The following NPAT variants were observed in gnomAD, a reference collection of about 807,000 sequenced individuals.
NPAT encodes protein NPAT.
Under a neutral mutation model 130.7 loss-of-function variants are expected in NPAT, and 52 were observed. That is an observed-to-expected ratio of 0.40 (90% confidence interval 0.32 to 0.50). The LOEUF is 0.50. Among genes scored for constraint, NPAT ranks in the 20% least tolerant of loss-of-function variants. The pLI, the probability that NPAT is intolerant of heterozygous loss-of-function variation, is 0.68. For missense variants in NPAT, 1,687 were observed against 1,662.6 expected (o/e 1.01, Z -0.26); for synonymous variants, 580 against 584.8 (o/e 0.99, Z 0.12).
At chr11:108,221,910 G>T (rs4987876) in intron 1 of NPAT, among the ~76,000 whole-genome samples, 12,530 of 152,164 alleles carry the variant, frequency 0.082, 558 homozygotes, top group Admixed American at 0.099. Flanking sequence ...GAAATTTTTC[G>T]CTGATCAAAG....
intron 1 of NPAT, among the ~76,000 whole-genome samples, chr11:108,211,255 C>T (rs768054400): frequency 6.6e-6 from 1 of 151,608 alleles, no homozygotes; most frequent in Non-Finnish European, 1.5e-5. Flanking sequence ...TAAAAGTCCT[C>T]AACAGGGTGG....
rs952427425 is a variant in NPAT at position 108,192,038 on chromosome 11, C to T, written c.290+80G>A. ...ACTGGATGAGTGTTATATAAGTACA[C>T]TGTGTAGGTCTTAAGAAGATTTAAA... On this transcript the variant is annotated intron_variant, in intron 4 of 17. Coordinates refer to ENST00000278612, the MANE Select transcript of NPAT (RefSeq NM_002519.3). The T allele has an allele frequency of 2.7e-5, 25 of 942,882 alleles. 1 individual carries two copies. In the East Asian group the frequency reaches 5.8e-4, roughly 22 times the overall value. 58.4% of individuals were successfully genotyped at this position (942,882 alleles called of 1,614,324 possible).
intron 12 of NPAT, 100 bp from the exon 13 acceptor site, chr11:108,173,951 T>A: frequency 1.0e-6 from 1 of 985,242 alleles, no homozygotes. Context: ...AAATAACTCA[T>A]CTTTGCATAC....
rs182973180 is a variant in NPAT, at chr11:108,214,397, C to T, written c.37+8103G>A. Among the ~76,000 whole-genome samples, 3 of 152,218 alleles carry T rather than the reference C, an allele frequency of 2.0e-5. No homozygotes were observed. The East Asian group carries it at 5.8e-4, about 29-fold the overall frequency. Reference sequence around the variant, plus strand: ...ATTTATGTGCAATGTCCAGGCAAGGCACATGTATAGATACAGAAAGTAGAT... The same window carrying T: ...ATTTATGTGCAATGTCCAGGCAAGGTACATGTATAGATACAGAAAGTAGAT... On this transcript the variant is annotated intron_variant, in intron 1 of 17. Transcript: ENST00000278612.
In NPAT at chr11:108,172,691, C is replaced by T; in HGVS notation, c.2293G>A (p.Gly765Arg). The T allele has an allele frequency of 6.2e-7, 1 of 1,613,630 alleles. No homozygotes were observed. The highest frequency in any genetic ancestry group is 2.2e-5 in the East Asian group (1 of 44,886). Residue 765 changes from glycine (G) to arginine (R), a missense_variant, in exon 13 of 18, where the codon GGA (glycine) becomes AGA (arginine). Gly to Arg is a moderately radical substitution (Grantham distance 125). Coordinates refer to ENST00000278612, the MANE Select transcript of NPAT (RefSeq NM_002519.3). ...AAGATTATAGTTGGCAGGTTTTCTC[C>T]ATTAATACTAGAAACAGCACTGGTA... Reference protein sequence around the residue: ...ELTSAVSSINGENLPTIILSS... With the variant: ...ELTSAVSSINRENLPTIILSS...
At chr11:108,159,475 G>C (rs1366179770) in intron 17 of NPAT, among the ~76,000 whole-genome samples, 2 of 152,194 alleles carry the variant, frequency 1.3e-5, no homozygotes, top group Non-Finnish European at 2.9e-5. Context: ...CTGAGACTCA[G>C]AAAGGCTACA....
chr11:108,220,441 TA>T (rs1029277969), intron 1 of NPAT, among the ~76,000 whole-genome samples: 2 of 151,830 alleles, frequency 1.3e-5, no homozygotes, highest in Admixed American at 1.3e-4. Context: ...TTTAAGAATT[TA>T]AAAAAAACCT....
At chr11:108,205,654 T>C (rs574183577) in intron 1 of NPAT, among the ~76,000 whole-genome samples, 3 of 152,312 alleles carry the variant, frequency 2.0e-5, no homozygotes, top group South Asian at 4.1e-4. Flanking sequence ...AAAGAATTAG[T>C]TGCTAGCAGA....
chr11:108,168,226 T>C (rs940127163), intron 15 of NPAT, among the ~76,000 whole-genome samples: 12 of 152,176 alleles, frequency 7.9e-5, no homozygotes, highest in Non-Finnish European at 1.5e-4. Flanking sequence ...GAAACTCTCA[T>C]ATGGGTTCAC....
At chr11:108,190,829 C>T (rs1323171831) in intron 4 of NPAT, among the ~76,000 whole-genome samples, 1 of 152,126 alleles carries the variant, frequency 6.6e-6, no homozygotes, top group East Asian at 1.9e-4. Flanking sequence ...TCCCAGCACC[C>T]TGGGGGGCTG....
intron 1 of NPAT, among the ~76,000 whole-genome samples, chr11:108,213,453 A>G (rs1241151805): frequency 1.3e-5 from 2 of 152,232 alleles, no homozygotes; most frequent in African/African-American, 4.8e-5. Context: ...AAGTTTAACA[A>G]AAGTAAAGGA....
chr11:108,195,629 C>G (rs971985805), intron 2 of NPAT, among the ~76,000 whole-genome samples: 1 of 112,020 alleles, frequency 8.9e-6, no homozygotes, highest in East Asian at 2.4e-4. Context: ...AATATTTTCA[C>G]CCAGCCTTTT....
chr11:108,221,252 A>G (rs1379163919), intron 1 of NPAT, among the ~76,000 whole-genome samples: 1 of 152,148 alleles, frequency 6.6e-6, no homozygotes, highest in African/African-American at 2.4e-5. Flanking sequence ...ATGCTGCTAA[A>G]CATCCTACAA....
At chr11:108,179,544 A>G (rs2078040443) in intron 10 of NPAT, among the ~76,000 whole-genome samples, 1 of 152,212 alleles carries the variant, frequency 6.6e-6, no homozygotes, top group East Asian at 1.9e-4. Context: ...CCGGACTCAT[A>G]TTATACTTTG....
At chr11:108,201,663 A>G (rs951785735) in intron 1 of NPAT, among the ~76,000 whole-genome samples, 2 of 152,238 alleles carry the variant, frequency 1.3e-5, no homozygotes, top group African/African-American at 4.8e-5. Flanking sequence ...TAAGGTGACC[A>G]TGGGGTATAA....
chr11:108,210,011 T>G (rs1426295823), intron 1 of NPAT, among the ~76,000 whole-genome samples: 1 of 119,580 alleles, frequency 8.4e-6, no homozygotes, highest in Non-Finnish European at 1.8e-5. Flanking sequence ...TAGAGAAAAA[T>G]GAATAAAAAC....
chr11:108,212,442 T>G (rs1397446043), intron 1 of NPAT, among the ~76,000 whole-genome samples: 1 of 151,738 alleles, frequency 6.6e-6, no homozygotes, highest in Non-Finnish European at 1.5e-5. Context: ...GGAGAATTGC[T>G]TGAATCCGGG....
intron 10 of NPAT, among the ~76,000 whole-genome samples, 200 bp from the exon 11 acceptor site, chr11:108,177,290 G>T (rs1463159351): frequency 6.6e-6 from 1 of 151,988 alleles, no homozygotes; most frequent in Non-Finnish European, 1.5e-5. Context: ...GAGTAGCTGG[G>T]ACTACAAGTG....
chr11:108,210,563 G>A (rs568888394), intron 1 of NPAT, among the ~76,000 whole-genome samples: 6 of 152,168 alleles, frequency 3.9e-5, no homozygotes, highest in Non-Finnish European at 8.8e-5. Flanking sequence ...AGAACTGTGA[G>A]CCAATTAAAA....
Sources: allele counts gnomAD v4.1 joint callset (sites outside exome capture counted in the v4.1 genomes callset), GRCh38; gene constraint gnomAD v4.1.1; transcripts MANE v1.5; gene names NCBI Gene and HGNC (gene_info 2026-07-23, HGNC 2026-07-21).